Variants in RASA1 observed in about 807,000 individuals in gnomAD.
RASA1 encodes ras GTPase-activating protein 1.
A neutral mutation model predicts 132.2 loss-of-function variants in RASA1; 25 were observed. The observed-to-expected ratio is 0.19, with a 90% CI of 0.14 to 0.26. RASA1 has a LOEUF of 0.26. RASA1 is among the 10% of genes least tolerant of loss of function. RASA1 has a pLI of 1.00. For synonymous variants in RASA1, 477 were observed against 449.9 expected (o/e 1.06, Z -0.76); for missense variants, 964 against 1,299.2 (o/e 0.74, Z 3.97).
chr5:87,300,027 A>T (rs960877517), intron 1 of RASA1, among the ~76,000 whole-genome samples: 5 of 152,116 alleles, frequency 3.3e-5, no homozygotes, highest in African/African-American at 7.2e-5. Context: ...TGGTGAAGGG[A>T]TGACCAATAA....
chr5:87,373,582 TAGTATATGGCAAGAGAGAAAG>T, intron 13 of RASA1, among the ~76,000 whole-genome samples: 1 of 152,198 alleles, frequency 6.6e-6, no homozygotes, highest in Admixed American at 6.6e-5. Flanking sequence ...GCCACACAAG[TAGTATATGGCAAGAGAGAAAG>T]AGAACCTGAT....
chr5:87,269,468 C>G (rs142269691), intron 1 of RASA1, among the ~76,000 whole-genome samples: 1 of 152,300 alleles, frequency 6.6e-6, no homozygotes, highest in African/African-American at 2.4e-5. Flanking sequence ...TTTCAGTGCA[C>G]AGCCCAGCTT....
intron 1 of RASA1, among the ~76,000 whole-genome samples, chr5:87,319,335 T>G (rs1262235666): frequency 6.6e-6 from 1 of 152,214 alleles, no homozygotes; most frequent in East Asian, 1.9e-4. Context: ...AGTCCCACAT[T>G]TCCCCCTCTG....
chr5:87,319,927 A>G (rs1756660577), intron 1 of RASA1, among the ~76,000 whole-genome samples: 1 of 152,194 alleles, frequency 6.6e-6, no homozygotes, highest in Non-Finnish European at 1.5e-5. Flanking sequence ...CCGTCTCTTC[A>G]TACATATGAG....
intron 1 of RASA1, among the ~76,000 whole-genome samples, chr5:87,292,826 G>A (rs1754965974): frequency 6.6e-6 from 1 of 152,050 alleles, no homozygotes; most frequent in African/African-American, 2.4e-5. Context: ...TTCCATCATA[G>A]TTTTGTAGTT....
At position 87,331,348 on chromosome 5, in the gene RASA1, G is replaced by C. The variant is rs1242822931; in HGVS notation, c.540G>C (p.Gln180His). Residue 180 changes from glutamine to histidine, a missense_variant and splice_region_variant, in exon 2 of 25, where the codon CAG becomes CAC. Physicochemically the swap from Gln to His is conservative, Grantham distance 24 (BLOSUM62 0). Coordinates refer to ENST00000274376, the MANE Select transcript of RASA1 (RefSeq NM_002890.3). ...AIPLTAPPTN[Q>H]WYHGKLDRTI... is the part of the protein sequence containing the mutation. ...AATATCTTCTCTGTTTTTCCCCTAG[G>C]TGGTATCACGGAAAACTTGACAGAA... 1 of 1,601,840 alleles carries C rather than the reference G, an allele frequency of 6.2e-7. No homozygotes were observed. The highest frequency in any genetic ancestry group is 8.6e-7 in the Non-Finnish European group (1 of 1,169,072).
rs765078362 is a variant in RASA1 at position 87,268,734 on chromosome 5, G to T, written c.283G>T (p.Val95Leu). Reference protein sequence around the residue: ...GLTGGGTAAGVAGAAAGVAGA... With the variant: ...GLTGGGTAAGLAGAAAGVAGA... ...GACAGGGGGAGGTACTGCTGCTGGC[G>T]TAGCTGGTGCTGCTGCTGGCGTGGC... The change falls in exon 1 of 25, where the codon GTA becomes TTA. Residue 95 changes from valine (V) to leucine (L), a missense_variant. Coordinates refer to ENST00000274376, the MANE Select transcript of RASA1 (RefSeq NM_002890.3). The T allele has an allele frequency of 1.9e-6, 3 of 1,612,992 alleles. No homozygotes were observed. Among genetic ancestry groups the T allele is most frequent in the Non-Finnish European group, 2.5e-6 (3 of 1,179,540 alleles).
intron 6 of RASA1, among the ~76,000 whole-genome samples, chr5:87,344,119 T>C (rs1009393892): frequency 2.6e-5 from 4 of 152,046 alleles, no homozygotes; most frequent in African/African-American, 9.7e-5. Flanking sequence ...GGTACAAAAA[T>C]ACATCTAGAT....
At chr5:87,293,265 C>T (rs898421784) in intron 1 of RASA1, among the ~76,000 whole-genome samples, 1 of 149,992 alleles carries the variant, frequency 6.7e-6, no homozygotes, top group Non-Finnish European at 1.5e-5. Context: ...TTTTTTTTAT[C>T]AAGTTGAGGA....
rs1268277852 is a variant in RASA1, at chr5:87,331,629, A to G, written c.692+129A>G. The G allele has an allele frequency of 2.8e-6, 3 of 1,059,558 alleles. No individual in the cohort carries two copies. In the Admixed American group the frequency reaches 6.2e-5, roughly 22 times the overall value. 65.6% of individuals were successfully genotyped at this position (1,059,558 alleles called of 1,614,324 possible). On this transcript the variant is annotated intron_variant, in intron 2 of 24. Coordinates refer to ENST00000274376, the MANE Select transcript of RASA1 (RefSeq NM_002890.3). ...TAGAGAAGGAAGCTTGTTTTCAGTC[A>G]AATGATTTAATCAGTGATTTAGAGA... is the stretch of plus-strand genomic sequence containing the variant.
At chr5:87,314,243 T>C (rs1012341792) in intron 1 of RASA1, among the ~76,000 whole-genome samples, 1 of 152,144 alleles carries the variant, frequency 6.6e-6, no homozygotes, top group African/African-American at 2.4e-5. Context: ...AAATGACAGG[T>C]AGTCCAGTGG....
intron 1 of RASA1, among the ~76,000 whole-genome samples, chr5:87,305,888 T>A (rs1019506366): frequency 2.0e-5 from 3 of 152,198 alleles, no homozygotes; most frequent in Non-Finnish European, 4.4e-5. Context: ...AAGCTCAACA[T>A]CACTGATCAT....
chr5:87,383,940 G>A (rs1300726226), intron 21 of RASA1, among the ~76,000 whole-genome samples, 160 bp downstream of exon 21: 2 of 150,086 alleles, frequency 1.3e-5, no homozygotes, highest in Non-Finnish European at 3.0e-5. Context: ...TTGTGCTTGT[G>A]CTTCTTGGGC....
At chr5:87,305,242 C>G (rs1755555665) in intron 1 of RASA1, among the ~76,000 whole-genome samples, 1 of 152,094 alleles carries the variant, frequency 6.6e-6, no homozygotes, top group Admixed American at 6.5e-5. Flanking sequence ...TACCCAACTT[C>G]AAGCTATACC....
chr5:87,377,359 G>T (rs1761396151), intron 17 of RASA1, among the ~76,000 whole-genome samples: 1 of 151,978 alleles, frequency 6.6e-6, no homozygotes, highest in African/African-American at 2.4e-5. Flanking sequence ...TTTTGAGATG[G>T]CATCTCAGTC....
intron 21 of RASA1, among the ~76,000 whole-genome samples, 170 bp from the exon 22 acceptor site, chr5:87,385,131 A>G (rs898371230): frequency 1.3e-5 from 2 of 152,128 alleles, no homozygotes; most frequent in Non-Finnish European, 2.9e-5. Flanking sequence ...TTTGAATTTT[A>G]TGGATCATAA....
chr5:87,334,903 A>G (rs997156246), intron 4 of RASA1, among the ~76,000 whole-genome samples: 2 of 150,794 alleles, frequency 1.3e-5, no homozygotes, highest in African/African-American at 4.9e-5. Context: ...TTTTTTTTTG[A>G]GACAGAATCT....
intron 23 of RASA1, among the ~76,000 whole-genome samples, chr5:87,388,957 T>C (rs941909020): frequency 6.6e-6 from 1 of 152,120 alleles, no homozygotes; most frequent in African/African-American, 2.4e-5. Context: ...AGCAATAATA[T>C]TGTACACATC....
intron 4 of RASA1, among the ~76,000 whole-genome samples, chr5:87,337,110 G>A (rs1758033352): frequency 6.6e-6 from 1 of 151,928 alleles, no homozygotes; most frequent in Admixed American, 6.6e-5. Context: ...ATAGATACAG[G>A]GTTAATGGTA....
Sources: allele counts gnomAD v4.1 joint callset (sites outside exome capture counted in the v4.1 genomes callset), GRCh38; gene constraint gnomAD v4.1.1; transcripts MANE v1.5; gene names NCBI Gene and HGNC (gene_info 2026-07-23, HGNC 2026-07-21).